The following SCARB1 variants were observed in gnomAD, a reference collection of about 807,000 sequenced individuals.
SCARB1 encodes scavenger receptor class B member 1, also known as CD36 and LIMPII analogous 1.
Under a neutral mutation model 57.2 loss-of-function variants are expected in SCARB1, and 30 were observed. The observed-to-expected ratio is 0.52, with a 90% CI of 0.39 to 0.71. The LOEUF is 0.71. Among genes scored for constraint, SCARB1 ranks in the 30% least tolerant of loss-of-function variants. SCARB1 has a pLI of 0.00. For missense variants in SCARB1, 543 were observed against 671.2 expected, an observed-to-expected ratio of 0.81 and a Z score of 2.11; for synonymous variants, 249 against 268.3, an observed-to-expected ratio of 0.93 and a Z score of 0.70.
At chr12:124,803,234 T>G (rs1016711303) in intron 7 of SCARB1, among the ~76,000 whole-genome samples, 1 of 152,156 alleles carries the variant, frequency 6.6e-6, no homozygotes, top group African/African-American at 2.4e-5. Flanking sequence ...TCCTGTCTGT[T>G]TCTCAGTCAG....
intron 1 of SCARB1, among the ~76,000 whole-genome samples, chr12:124,830,337 T>C (rs1363130651): frequency 6.6e-6 from 1 of 152,116 alleles, no homozygotes; most frequent in African/African-American, 2.4e-5. Context: ...ACCCCCAGTA[T>C]TTGTCCCAGA....
At chr12:124,836,007 A>G (rs1951633060) in intron 1 of SCARB1, among the ~76,000 whole-genome samples, 4 of 152,230 alleles carry the variant, frequency 2.6e-5, no homozygotes, top group Admixed American at 2.6e-4. Flanking sequence ...ATAGTAACAC[A>G]CGATGAGAAC....
chr12:124,856,896 T>C (rs940924251), intron 1 of SCARB1, among the ~76,000 whole-genome samples: 3 of 152,140 alleles, frequency 2.0e-5, no homozygotes, highest in Non-Finnish European at 4.4e-5. Flanking sequence ...GGAGAACATG[T>C]CCCTGGTCTC....
intron 1 of SCARB1, among the ~76,000 whole-genome samples, chr12:124,854,532 G>A (rs757747565): frequency 4.6e-5 from 7 of 152,232 alleles, no homozygotes; most frequent in Non-Finnish European, 7.3e-5. Context: ...TGAGCACAGG[G>A]AGGCCAGTGA....
intron 5 of SCARB1, among the ~76,000 whole-genome samples, chr12:124,811,359 C>T (rs941824320): frequency 3.9e-5 from 6 of 152,200 alleles, no homozygotes; most frequent in Non-Finnish European, 8.8e-5. Context: ...CTGCAACCTT[C>T]ACCTCCTGTG....
intron 1 of SCARB1, among the ~76,000 whole-genome samples, chr12:124,857,087 A>G (rs1023643424): frequency 2.0e-5 from 3 of 151,982 alleles, no homozygotes; most frequent in African/African-American, 7.3e-5. Flanking sequence ...TTAAGCATGC[A>G]GTCGACCTGC....
At position 124,795,206 on chromosome 12, in the gene SCARB1, G is replaced by A. The variant is rs115774142; in HGVS notation, c.1191C>T (p.Val397=). 5.8e-5 allele frequency: 94 copies of A among 1,613,664 alleles called. No individual in the cohort carries two copies. In the African/African-American group the frequency reaches 1.1e-3, roughly 19 times the overall value. Residue 397 remains valine, a synonymous_variant, in exon 9 of 13, where the codon GTC becomes GTT. Transcript: ENST00000261693. Reference sequence around the variant, plus strand: ...CAGTCCCCACTCACCCAATGCCTGCGACAGATTTCATGTAGAGGCTCAGCT... The same window carrying A: ...CAGTCCCCACTCACCCAATGCCTGCAACAGATTTCATGTAGAGGCTCAGCT... The part of the protein sequence containing the change: ...KLQLSLYMKS[V]AGIGQTGKIE...
intron 1 of SCARB1, among the ~76,000 whole-genome samples, chr12:124,826,656 C>T (rs1476764354): frequency 6.6e-6 from 1 of 151,962 alleles, no homozygotes; most frequent in Non-Finnish European, 1.5e-5. Context: ...GACAAGGTCT[C>T]ACTATGTTGC....
At chr12:124,846,178 A>T (rs1952142262) in intron 1 of SCARB1, among the ~76,000 whole-genome samples, 1 of 152,214 alleles carries the variant, frequency 6.6e-6, no homozygotes, top group Non-Finnish European at 1.5e-5. Context: ...AAGTGGTGGT[A>T]TCACTGAATT....
At chr12:124,841,373 CA>C (rs147734175) in intron 1 of SCARB1, among the ~76,000 whole-genome samples, 230 of 87,058 alleles carry the variant, frequency 2.6e-3, no homozygotes, top group African/African-American at 3.8e-3. Flanking sequence ...GACTCCGTCT[CA>C]AAAAAAAAAA....
At chr12:124,821,236 TCACACA>T (rs60380028) in intron 1 of SCARB1, 983 of 191,628 alleles carry the variant, frequency 5.1e-3, no homozygotes, top group Middle Eastern at 0.01. Flanking sequence ...AGACTCCATC[TCACACA>T]CACACACACA....
chr12:124,783,115 C>T (rs189755925), intron 11 of SCARB1: 1 of 373,390 alleles, frequency 2.7e-6, no homozygotes, highest in African/African-American at 2.0e-5. Flanking sequence ...GACCGACAAC[C>T]AGTGGACTTA....
intron 1 of SCARB1, among the ~76,000 whole-genome samples, chr12:124,831,756 G>A (rs757727665): frequency 3.3e-5 from 5 of 152,194 alleles, no homozygotes; most frequent in Non-Finnish European, 7.3e-5. Context: ...TAAAGAATAG[G>A]ACCCATGCAG....
intron 1 of SCARB1, among the ~76,000 whole-genome samples, chr12:124,820,182 GT>G (rs943933518): frequency 6.6e-6 from 1 of 152,142 alleles, no homozygotes; most frequent in Non-Finnish European, 1.5e-5. Context: ...TATTAATGAG[GT>G]AACAGAAGCG....
intron 1 of SCARB1, among the ~76,000 whole-genome samples, chr12:124,851,006 G>C (rs1329888356): frequency 6.6e-6 from 1 of 152,168 alleles, no homozygotes; most frequent in Non-Finnish European, 1.5e-5. Flanking sequence ...GCGACCCAAG[G>C]CTGACCAATC....
intron 1 of SCARB1, among the ~76,000 whole-genome samples, chr12:124,855,263 T>C (rs1293921139): frequency 2.0e-5 from 3 of 151,672 alleles, no homozygotes; most frequent in African/African-American, 7.3e-5. Context: ...GAAGAAACAG[T>C]GGAGTGGAGG....
chr12:124,799,017 A>C (rs1399804705), intron 8 of SCARB1, among the ~76,000 whole-genome samples: 1 of 152,180 alleles, frequency 6.6e-6, no homozygotes, highest in African/African-American at 2.4e-5. Context: ...TGTACTATAC[A>C]ATACAACACA....
intron 8 of SCARB1, among the ~76,000 whole-genome samples, chr12:124,798,463 G>A (rs1417388759): frequency 6.6e-6 from 1 of 151,976 alleles, no homozygotes; most frequent in Non-Finnish European, 1.5e-5. Context: ...ACAACATGAC[G>A]GACCTGGGGA....
chr12:124,795,055 G>C, intron 9 of SCARB1, 140 bp downstream of exon 9: 1 of 770,570 alleles, frequency 1.3e-6, no homozygotes, highest in South Asian at 1.4e-5. Context: ...AGCAGGGACT[G>C]GATTCCACCC....
Sources: allele counts gnomAD v4.1 joint callset (sites outside exome capture counted in the v4.1 genomes callset), GRCh38; gene constraint gnomAD v4.1.1; transcripts MANE v1.5; gene names NCBI Gene and HGNC (gene_info 2026-07-23, HGNC 2026-07-21).